CSPP1: variants seen among roughly 807,000 people sequenced by gnomAD.
CSPP1 encodes the protein centrosome and spindle pole associated protein 1.
A neutral mutation model predicts 164.4 loss-of-function variants in CSPP1; 126 were observed. The ratio of observed to expected loss-of-function variants is 0.77; its 90% CI spans 0.66 to 0.89. The LOEUF is 0.89. Ranked by LOEUF, CSPP1 falls within the 40% of genes least tolerant of loss-of-function variation. The pLI is 0.00. For missense variants in CSPP1, 1,395 were observed against 1,449.8 expected (o/e 0.96, Z 0.61); for synonymous variants, 472 against 476.7 (o/e 0.99, Z 0.13).
Position 67,074,244 on chromosome 8 carries a change from A to C in CSPP1, c.-9A>C. 1 of 1,597,496 alleles carries C rather than the reference A, an allele frequency of 6.3e-7. No individual in the cohort carries two copies. Among genetic ancestry groups the C allele is most frequent in the Non-Finnish European group, 8.5e-7 (1 of 1,170,122 alleles). On this transcript the variant is annotated splice_region_variant and 5_prime_UTR_variant, in exon 2 of 31. Transcript: ENST00000678616. ...GCTCACTGAAATTTTTTTTTAAAGA[A>C]TCTGCAAAATGGCTGATAATTTGGA...
intron 24 of CSPP1, among the ~76,000 whole-genome samples, chr8:67,165,617 C>T (rs1326757440): frequency 6.6e-6 from 1 of 152,178 alleles, no homozygotes; most frequent in Non-Finnish European, 1.5e-5. Context: ...AGAATGCCTC[C>T]TCCTCCAGTC....
At chr8:67,179,772 A>G (rs898711773) in intron 27 of CSPP1, 91 bp from the exon 28 acceptor site, 9 of 807,162 alleles carry the variant, frequency 1.1e-5, no homozygotes, top group Admixed American at 5.8e-5. Flanking sequence ...TAGGGAGAAC[A>G]GTGTGGAAAC....
intron 1 of CSPP1, among the ~76,000 whole-genome samples, chr8:67,066,326 G>A (rs1352581379): frequency 1.3e-5 from 2 of 152,168 alleles, no homozygotes; most frequent in Non-Finnish European, 2.9e-5. Flanking sequence ...GGAAGATGGA[G>A]AACCTTTCAT....
Position 67,091,876 on chromosome 8 carries a change from C to T in CSPP1, c.377C>T (p.Ser126Phe). The T allele has an allele frequency of 7.5e-7, 1 of 1,330,608 alleles. No individual in the cohort carries two copies. The highest frequency in any genetic ancestry group is 1.2e-5 in the South Asian group (1 of 83,208). 82.4% of individuals were successfully genotyped at this position (1,330,608 alleles called of 1,614,324 possible). A position where few individuals can be genotyped will look rare whatever the true frequency, so the allele number is the denominator to read the frequency against. ...TCTCTTCCTATTGGTGAGAGGTTATCTGCTAAGGTAGGTGGATAGGAGTAG... is the reference window on the plus strand; with the variant it reads ...TCTCTTCCTATTGGTGAGAGGTTATTTGCTAAGGTAGGTGGATAGGAGTAG... ...GVSLPIGERL[S>F]AKERLKLERN... Residue 126 changes from serine to phenylalanine, a missense_variant, in exon 5 of 31, where the codon TCT becomes TTT. By Grantham distance (155) the Ser-to-Phe change is radical. Transcript: ENST00000678616.
At chr8:67,089,236 C>T (rs530993119) in intron 4 of CSPP1, among the ~76,000 whole-genome samples, 3 of 152,060 alleles carry the variant, frequency 2.0e-5, no homozygotes, top group Non-Finnish European at 2.9e-5. Context: ...TTTCCTGTGC[C>T]CTTCCTGCCC....
chr8:67,095,712 G>C lies in CSPP1; in HGVS notation c.903G>C (p.Ser301=). ...AAAGTGATTTTGATAGAAGACTTTCGAGAGTGTATACAAATGACAGGTATT... is the reference window on the plus strand; with the variant it reads ...AAAGTGATTTTGATAGAAGACTTTCCAGAGTGTATACAAATGACAGGTATT... The part of the protein sequence containing the change: ...RYESDFDRRL[S]RVYTNDRMHR... The change falls in exon 7 of 31, where the codon TCG becomes TCC. Residue 301 remains serine, a synonymous_variant. Coordinates refer to ENST00000678616, the MANE Select transcript of CSPP1 (RefSeq NM_001382391.1). 1 of 1,592,038 alleles carries C rather than the reference G, an allele frequency of 6.3e-7. No individual in the cohort carries two copies. Among genetic ancestry groups the C allele is most frequent in the South Asian group, 1.1e-5 (1 of 88,070 alleles).
chr8:67,192,090 T>TTG (rs1836479046), intron 29 of CSPP1, among the ~76,000 whole-genome samples: 1 of 151,448 alleles, frequency 6.6e-6, no homozygotes, highest in African/African-American at 2.4e-5. Context: ...TTTTTTTTTT[T>TTG]GATACAGAGT....
chr8:67,103,823 G>C (rs1814710515), intron 8 of CSPP1, among the ~76,000 whole-genome samples: 1 of 125,368 alleles, frequency 8.0e-6, no homozygotes, highest in Admixed American at 9.3e-5. Flanking sequence ...CTGGGCAACA[G>C]AGCAAGACTC....
At chr8:67,186,466 C>T (rs1053647901) in intron 28 of CSPP1, among the ~76,000 whole-genome samples, 7 of 150,920 alleles carry the variant, frequency 4.6e-5, no homozygotes, top group Admixed American at 6.6e-5. Context: ...ACTCTATGCC[C>T]ACAAATCTGA....
chr8:67,082,070 T>C (rs931629470), intron 3 of CSPP1, among the ~76,000 whole-genome samples: 4 of 152,032 alleles, frequency 2.6e-5, no homozygotes, highest in East Asian at 1.9e-4. Context: ...TGTTTTGAGA[T>C]AGAGTCTCGC....
chr8:67,100,545 C>G (rs1434849383), intron 7 of CSPP1, among the ~76,000 whole-genome samples: 2 of 151,340 alleles, frequency 1.3e-5, no homozygotes, highest in African/African-American at 4.8e-5. Flanking sequence ...CCAAGTTATG[C>G]TTTTAAGAAT....
chr8:67,177,722 G>T lies in CSPP1; in HGVS notation c.3152G>T (p.Arg1051Ile). The change falls in exon 27 of 31, where the codon AGA becomes ATA. Residue 1051 changes from arginine to isoleucine, a missense_variant. Transcript: ENST00000678616. ...CCAAGTGCTAAAGTACGAGAGCAAA[G>T]AATGGTAAGCAACCAGTTACAATTT... is the stretch of plus-strand genomic sequence containing the variant. Reference protein sequence around the residue: ...AIPSAKVREQRMPRDDTSDFL... With the variant: ...AIPSAKVREQIMPRDDTSDFL... 1 of 1,610,198 alleles carries T rather than the reference G, an allele frequency of 6.2e-7. No individual in the cohort carries two copies. Among genetic ancestry groups the T allele is most frequent in the Non-Finnish European group, 8.5e-7 (1 of 1,176,812 alleles).
At chr8:67,180,232 G>C (rs1411468461) in intron 28 of CSPP1, among the ~76,000 whole-genome samples, 1 of 152,072 alleles carries the variant, frequency 6.6e-6, no homozygotes, top group Admixed American at 6.6e-5. Context: ...AAAAAACTCT[G>C]GTACATCCAT....
chr8:67,168,158 G>C (rs1244354341), intron 24 of CSPP1, among the ~76,000 whole-genome samples: 1 of 152,158 alleles, frequency 6.6e-6, no homozygotes, highest in Non-Finnish European at 1.5e-5. Flanking sequence ...CTAGTCAGGC[G>C]TGGTGGCGCG....
intron 1 of CSPP1, among the ~76,000 whole-genome samples, chr8:67,072,507 G>A (rs11986053): frequency 0.12 from 18,722 of 151,996 alleles, 2,258 homozygotes; most frequent in African/African-American, 0.31. Flanking sequence ...TTTATCAAGT[G>A]TATATAAAGA....
chr8:67,109,369 G>A (rs1563577620), intron 9 of CSPP1, among the ~76,000 whole-genome samples: 2 of 152,166 alleles, frequency 1.3e-5, no homozygotes. Flanking sequence ...TCTAAATTCA[G>A]GGAGGGCCCA....
intron 4 of CSPP1, among the ~76,000 whole-genome samples, chr8:67,087,927 C>T (rs938205026): frequency 3.3e-5 from 5 of 152,170 alleles, no homozygotes; most frequent in African/African-American, 1.2e-4. Flanking sequence ...ATTTTCACTT[C>T]ACCCTCCAAG....
At chr8:67,093,398 T>C in intron 5 of CSPP1, 145 bp from the exon 6 acceptor site, 1 of 566,112 alleles carries the variant, frequency 1.8e-6, no homozygotes, top group Non-Finnish European at 3.1e-6. Context: ...TTCAGTGACA[T>C]CTGTCCTTGA....
rs2129576649 is a variant in CSPP1 at position 67,195,440 on chromosome 8, A to C, written c.3528A>C (p.Gly1176=). 6.2e-7 allele frequency: 1 copy of C among 1,614,226 alleles called. No homozygotes were observed. Among genetic ancestry groups the C allele is most frequent in the Admixed American group, 1.7e-5 (1 of 60,024 alleles). The change falls in exon 31 of 31, where the codon GGA becomes GGC. Residue 1176 remains glycine, a synonymous_variant. Coordinates refer to ENST00000678616, the MANE Select transcript of CSPP1 (RefSeq NM_001382391.1). ...DDIMKHIGDD[G]SNSVATEPWL... ...TCATGAAACACATAGGGGATGACGG[A>C]TCAAACTCTGTAGCAACTGAGCCCT...
Sources: allele counts gnomAD v4.1 joint callset (sites outside exome capture counted in the v4.1 genomes callset), GRCh38; gene constraint gnomAD v4.1.1; transcripts MANE v1.5; gene names NCBI Gene and HGNC (gene_info 2026-07-23, HGNC 2026-07-21).